SPOCK1: variants seen among roughly 807,000 people sequenced by gnomAD.
SPOCK1 encodes testican-1.
Under a neutral mutation model 55.3 loss-of-function variants are expected in SPOCK1, and 23 were observed. The ratio of observed to expected loss-of-function variants is 0.42; its 90% CI spans 0.30 to 0.59. The LOEUF (loss-of-function observed/expected upper bound fraction) is 0.59. Ranked by LOEUF, SPOCK1 falls within the 20% of genes least tolerant of loss-of-function variation. The pLI, the probability that SPOCK1 is intolerant of heterozygous loss-of-function variation, is 0.22. For synonymous variants in SPOCK1, 226 were observed against 221.0 expected (o/e 1.02, Z -0.20); for missense variants, 499 against 552.5 (o/e 0.90, Z 0.97).
chr5:137,488,862 A>C (rs1754116629), intron 2 of SPOCK1, among the ~76,000 whole-genome samples: 1 of 152,170 alleles, frequency 6.6e-6, no homozygotes, highest in African/African-American at 2.4e-5. Context: ...CCCAGATCAC[A>C]CAGGAAGGGT....
chr5:137,102,329 T>C (rs1220434304), intron 5 of SPOCK1, among the ~76,000 whole-genome samples: 2 of 152,132 alleles, frequency 1.3e-5, no homozygotes, highest in Non-Finnish European at 2.9e-5. Context: ...TGAGTAAATT[T>C]GTTTGGTGTT....
intron 2 of SPOCK1, among the ~76,000 whole-genome samples, chr5:137,420,868 A>G (rs1752476981): frequency 6.6e-6 from 1 of 151,960 alleles, no homozygotes; most frequent in Non-Finnish European, 1.5e-5. Context: ...TTGCTTCTCT[A>G]GTTCTTTTAA....
rs116770842 is a variant in SPOCK1, at chr5:137,453,770, G to A, written c.186+44603C>T. ...AGTGATGCAATTTAAGGGGTAGAGC[G>A]AGACATGATCAAGGTGTCCTTGTGT... On this transcript the variant is annotated intron_variant, in intron 2 of 10. Transcript: ENST00000394945. 2.7e-3 allele frequency among the ~76,000 whole-genome samples: 415 copies of A among 152,284 alleles called. 1 individual carries two copies. Among genetic ancestry groups the A allele is most frequent in the African/African-American group, 9.6e-3 (400 of 41,556 alleles).
chr5:137,497,227 G>A (rs992656703), intron 2 of SPOCK1, among the ~76,000 whole-genome samples: 4 of 152,140 alleles, frequency 2.6e-5, no homozygotes, highest in South Asian at 2.1e-4. Context: ...AACCATGCCC[G>A]GGGACATTAA....
At chr5:137,318,432 G>A (rs1032630911) in intron 2 of SPOCK1, among the ~76,000 whole-genome samples, 62 of 152,158 alleles carry the variant, frequency 4.1e-4, no homozygotes, top group African/African-American at 1.4e-3. Flanking sequence ...TTTCCAGGTA[G>A]CAGCACTGAG....
At chr5:137,023,386 T>C (rs369191824) in intron 6 of SPOCK1, among the ~76,000 whole-genome samples, 23 of 152,100 alleles carry the variant, frequency 1.5e-4, no homozygotes, top group Middle Eastern at 3.2e-3. Flanking sequence ...GAGTAGGGAC[T>C]GGGTTTTGAC....
At chr5:137,003,201 T>C (rs1287170566) in intron 6 of SPOCK1, among the ~76,000 whole-genome samples, 1 of 151,546 alleles carries the variant, frequency 6.6e-6, no homozygotes, top group Non-Finnish European at 1.5e-5. Flanking sequence ...AGGCCAGGAG[T>C]TCATATTAGC....
intron 4 of SPOCK1, among the ~76,000 whole-genome samples, chr5:137,123,554 T>C (rs1341934981): frequency 6.6e-6 from 1 of 152,160 alleles, no homozygotes; most frequent in African/African-American, 2.4e-5. Flanking sequence ...AGTAAGCCAA[T>C]GTGTCCCAAT....
At chr5:137,188,660 C>T (rs891564744) in intron 3 of SPOCK1, among the ~76,000 whole-genome samples, 2 of 100,086 alleles carry the variant, frequency 2.0e-5, no homozygotes, top group African/African-American at 2.8e-5. Context: ...TATTGAAATT[C>T]GGCCAATTAA....
chr5:137,017,784 A>G (rs1751476206), intron 6 of SPOCK1, among the ~76,000 whole-genome samples: 1 of 152,254 alleles, frequency 6.6e-6, no homozygotes, highest in Non-Finnish European at 1.5e-5. Flanking sequence ...GGGTCTGTAT[A>G]TATCAAAGCC....
intron 2 of SPOCK1, among the ~76,000 whole-genome samples, chr5:137,335,431 T>A (rs779759299): frequency 6.6e-6 from 1 of 152,264 alleles, no homozygotes; most frequent in Non-Finnish European, 1.5e-5. Flanking sequence ...CTTTCTTCTC[T>A]ATACTTCCTG....
chr5:137,433,504 C>T (rs1399807727), intron 2 of SPOCK1, among the ~76,000 whole-genome samples: 1 of 152,188 alleles, frequency 6.6e-6, no homozygotes, highest in Non-Finnish European at 1.5e-5. Context: ...GTAGAATCCT[C>T]CAGATGTCTA....
chr5:137,018,324 A>G (rs1751491337), intron 6 of SPOCK1, among the ~76,000 whole-genome samples: 1 of 152,230 alleles, frequency 6.6e-6, no homozygotes, highest in African/African-American at 2.4e-5. Context: ...GAAGAAGTGG[A>G]CACAGGTCTA....
At chr5:137,046,225 T>C (rs1752101942) in intron 6 of SPOCK1, among the ~76,000 whole-genome samples, 1 of 112,412 alleles carries the variant, frequency 8.9e-6, no homozygotes, top group Non-Finnish European at 1.9e-5. Context: ...AATCTGTAAA[T>C]TACGTTGGGC....
chr5:137,002,009 A>G (rs189241371), intron 6 of SPOCK1, among the ~76,000 whole-genome samples: 1 of 152,210 alleles, frequency 6.6e-6, no homozygotes, highest in African/African-American at 2.4e-5. Context: ...TGCCTAAAAC[A>G]TCAATATATA....
intron 2 of SPOCK1, among the ~76,000 whole-genome samples, chr5:137,456,358 A>G (rs570413731): frequency 2.0e-5 from 3 of 152,286 alleles, no homozygotes; most frequent in African/African-American, 7.2e-5. Context: ...TAATTCATGG[A>G]GCTGTTTGTA....
At chr5:137,431,137 T>C (rs908749324) in intron 2 of SPOCK1, among the ~76,000 whole-genome samples, 5 of 152,190 alleles carry the variant, frequency 3.3e-5, no homozygotes, top group East Asian at 1.9e-4. Context: ...TCTGATGTTG[T>C]TGAGCTAATG....
Position 137,454,295 on chromosome 5 carries a change from C to A in SPOCK1, c.186+44078G>T, listed in dbSNP as rs193245801. Among the ~76,000 whole-genome samples, 4 of 152,142 alleles carry A rather than the reference C, an allele frequency of 2.6e-5. No homozygotes were observed. The East Asian group carries it at 7.7e-4, about 29-fold the overall frequency. On this transcript the variant is annotated intron_variant, in intron 2 of 10. Transcript: ENST00000394945. ...ACAGCCACCCCTACACCAACTCTGGCAACCACAGGGTGGGTTATAAGTCAA... is the reference window on the plus strand; with the variant it reads ...ACAGCCACCCCTACACCAACTCTGGAAACCACAGGGTGGGTTATAAGTCAA...
chr5:137,303,564 A>T (rs1757644424), intron 2 of SPOCK1, among the ~76,000 whole-genome samples: 1 of 152,232 alleles, frequency 6.6e-6, no homozygotes, highest in South Asian at 2.1e-4. Flanking sequence ...TAGCATGGTC[A>T]ACCGATGACA....
Sources: allele counts gnomAD v4.1 joint callset (sites outside exome capture counted in the v4.1 genomes callset), GRCh38; gene constraint gnomAD v4.1.1; transcripts MANE v1.5; gene names NCBI Gene and HGNC (gene_info 2026-07-23, HGNC 2026-07-21).